The following SLIT2 variants were observed in gnomAD, a reference collection of about 807,000 sequenced individuals.
SLIT2 encodes the protein slit homolog 2 protein.
In SLIT2, 41 loss-of-function variants were observed where a neutral mutation model predicts 185.7. That is an observed-to-expected ratio of 0.22 (90% CI 0.17 to 0.29). The LOEUF is 0.29. SLIT2 is among the 10% of genes least tolerant of loss of function. The pLI is 1.00. For missense variants in SLIT2, 1,571 were observed against 1,909.0 expected (o/e 0.82, Z 3.30); for synonymous variants, 693 against 680.2 (o/e 1.02, Z -0.29).
intron 5 of SLIT2, among the ~76,000 whole-genome samples, chr4:20,472,256 A>ATGCAGTAAAGCCTTTGCTGTCAATAT (rs1217834075): frequency 1.3e-4 from 3 of 22,778 alleles, no homozygotes; most frequent in Non-Finnish European, 2.1e-4. Flanking sequence ...CTATATATAG[A>ATGCAGTAAAGCCTTTGCTGTCAATAT]TCTATATATA....
Position 20,288,183 on chromosome 4 carries a change from C to T in SLIT2, c.395+19302C>T, listed in dbSNP as rs562114153. Among the ~76,000 whole-genome samples the T allele has an allele frequency of 6.6e-5, 10 of 152,228 alleles. No individual in the cohort carries two copies. In the South Asian group the frequency reaches 8.3e-4, roughly 13 times the overall value. ...TAATTTATCTGGGAATTTAAAAAAA[C>T]AGTGTGTGAGTCAGCACGCTGTGGT... On this transcript the variant is annotated intron_variant, in intron 4 of 36. Transcript: ENST00000504154.
rs907422296 is a variant in SLIT2 at position 20,528,760 on chromosome 4, G to T, written c.1463-189G>T. Among the ~76,000 whole-genome samples the T allele has an allele frequency of 5.3e-4, 80 of 152,192 alleles. No homozygotes were observed. Among genetic ancestry groups the T allele is most frequent in the African/African-American group, 1.8e-3 (76 of 41,534 alleles). ...TAATGTTTTCCTGTCATGTGAATCT[G>T]GTCACTCTTTTTTCCAGAAAATTCC... On this transcript the variant is annotated intron_variant, in intron 15 of 36. Transcript: ENST00000504154. The surrounding 1 kb of genome is among the most constrained non-coding windows in gnomAD (Gnocchi z 4.2).
At chr4:20,512,518 A>G (rs543532400) in intron 11 of SLIT2, among the ~76,000 whole-genome samples, 1 of 152,188 alleles carries the variant, frequency 6.6e-6, no homozygotes, top group Non-Finnish European at 1.5e-5. Flanking sequence ...TAAAGGAACA[A>G]TTGTTGGCAG....
intron 16 of SLIT2, among the ~76,000 whole-genome samples, chr4:20,529,390 T>A (rs1721586696): frequency 6.6e-6 from 1 of 152,152 alleles, no homozygotes; most frequent in Non-Finnish European, 1.5e-5. Context: ...TTGGGTATTA[T>A]TTATTCCCAA....
chr4:20,490,847 A>G, intron 8 of SLIT2: 1 of 1,490,092 alleles, frequency 6.7e-7, no homozygotes. Context: ...GACCGAGGAT[A>G]TTTTTGTAGT....
chr4:20,406,261 TTA>T (rs1398759404), intron 4 of SLIT2, among the ~76,000 whole-genome samples: 1 of 144,340 alleles, frequency 6.9e-6, no homozygotes, highest in African/African-American at 2.4e-5. Flanking sequence ...TTATTGTTTT[TTA>T]TATAAGACAT....
intron 1 of SLIT2, among the ~76,000 whole-genome samples, chr4:20,255,761 A>C (rs1423106409): frequency 1.3e-5 from 2 of 152,182 alleles, no homozygotes; most frequent in Non-Finnish European, 2.9e-5. Flanking sequence ...AAGTTTCCAG[A>C]AAATAGTTTA....
At chr4:20,385,310 T>C (rs1001261649) in intron 4 of SLIT2, among the ~76,000 whole-genome samples, 3 of 152,218 alleles carry the variant, frequency 2.0e-5, no homozygotes, top group Non-Finnish European at 4.4e-5. Context: ...CTAACAGATA[T>C]TATAAACTTT....
intron 4 of SLIT2, among the ~76,000 whole-genome samples, chr4:20,293,800 A>G (rs1716201552): frequency 6.6e-6 from 1 of 152,178 alleles, no homozygotes; most frequent in Admixed American, 6.5e-5. Context: ...GACTTGCCCA[A>G]GATTGCCTGG....
At position 20,252,015 on chromosome 4, in the gene SLIT2, G is replaced by T. The variant is rs1722082966; in HGVS notation, c.-1801G>T. Among the ~76,000 whole-genome samples the T allele has an allele frequency of 6.6e-6, 1 of 152,076 alleles. No homozygotes were observed. The highest frequency in any genetic ancestry group is 2.4e-5 in the African/African-American group (1 of 41,442). ...AAAAGAAGGCGGCGGCGGCGGCGGC[G>T]GCGGAGGCGGAGGCAGCTGCGAGGC... On this transcript the variant is annotated 5_prime_UTR_variant, in exon 1 of 37. Coordinates refer to ENST00000504154, the MANE Select transcript of SLIT2 (RefSeq NM_004787.4).
chr4:20,376,947 A>G (rs1257901626), intron 4 of SLIT2, among the ~76,000 whole-genome samples: 1 of 152,086 alleles, frequency 6.6e-6, no homozygotes, highest in African/African-American at 2.4e-5. Flanking sequence ...GGTGCAGCAA[A>G]CCAACATGGC....
chr4:20,547,760 A>G (rs1723378130), intron 22 of SLIT2, among the ~76,000 whole-genome samples: 1 of 151,226 alleles, frequency 6.6e-6, no homozygotes, highest in Non-Finnish European at 1.5e-5. Context: ...TACACTATAT[A>G]TATAATGAGA....
intron 4 of SLIT2, among the ~76,000 whole-genome samples, chr4:20,287,665 C>T (rs1026386191): frequency 6.6e-6 from 1 of 152,154 alleles, no homozygotes. Context: ...TGCCTAGAAG[C>T]ATCTCTCCAT....
At chr4:20,507,473 C>G (rs755564730) in intron 9 of SLIT2, among the ~76,000 whole-genome samples, 3 of 151,876 alleles carry the variant, frequency 2.0e-5, no homozygotes, top group African/African-American at 4.8e-5. Flanking sequence ...TCAGAAGTCT[C>G]TATGCTGAAT....
At chr4:20,612,635 C>T (rs1729309850) in intron 34 of SLIT2, among the ~76,000 whole-genome samples, 1 of 152,010 alleles carries the variant, frequency 6.6e-6, no homozygotes, top group Non-Finnish European at 1.5e-5. Context: ...ATAGTGACTA[C>T]AGCTGGGCGC....
At chr4:20,441,219 C>T (rs947245232) in intron 4 of SLIT2, among the ~76,000 whole-genome samples, 11 of 152,132 alleles carry the variant, frequency 7.2e-5, no homozygotes, top group African/African-American at 1.2e-4. Flanking sequence ...TTGACATTCT[C>T]TTTTTTTACA....
chr4:20,596,376 A>G, intron 31 of SLIT2, 39 bp from the exon 32 acceptor site: 2 of 1,597,824 alleles, frequency 1.3e-6, no homozygotes, highest in Non-Finnish European at 1.7e-6. Flanking sequence ...AATTAAGTAA[A>G]ATCGTATTAA....
chr4:20,532,640 C>T (rs758378664), intron 17 of SLIT2, among the ~76,000 whole-genome samples: 7 of 152,278 alleles, frequency 4.6e-5, no homozygotes, highest in African/African-American at 1.4e-4. Flanking sequence ...ACCAATGGAG[C>T]GCCCTCACAC....
chr4:20,611,327 G>C (rs769339787), intron 34 of SLIT2, among the ~76,000 whole-genome samples: 1 of 152,154 alleles, frequency 6.6e-6, no homozygotes, highest in Non-Finnish European at 1.5e-5. Context: ...TTTTGACAGA[G>C]TTGGATTGTT....
Sources: gnomAD v4.1 joint callset for allele counts (sites outside exome capture counted in the v4.1 genomes callset) on GRCh38, gnomAD v4.1.1 for gene constraint, Gnocchi (gnomAD v3.1) non-coding constraint, MANE v1.5 for transcripts, NCBI Gene and HGNC (gene_info 2026-07-23, HGNC 2026-07-21) for gene names.